The following ASAP2 variants were observed in gnomAD, a reference collection of about 807,000 sequenced individuals.
The protein encoded by ASAP2 is ArfGAP with SH3 domain, ankyrin repeat and PH domain 2.
In ASAP2, 45 loss-of-function variants were observed where a neutral mutation model predicts 131.4. That is an observed-to-expected ratio of 0.34 (90% CI 0.27 to 0.44). ASAP2 has a LOEUF of 0.44. Among genes scored for constraint, ASAP2 ranks in the 20% least tolerant of loss-of-function variants. The probability of loss-of-function intolerance (pLI) is 1.00; values close to 1 mark genes in which losing one functional copy is unlikely to be tolerated. For synonymous variants in ASAP2, 510 were observed against 503.0 expected, an observed-to-expected ratio of 1.01 and a Z score of -0.19; for missense variants, 1,011 against 1,297.0, an observed-to-expected ratio of 0.78 and a Z score of 3.39.
At chr2:9,372,848 A>C (rs921249203) in intron 16 of ASAP2, among the ~76,000 whole-genome samples, 2 of 152,168 alleles carry the variant, frequency 1.3e-5, no homozygotes, top group African/African-American at 4.8e-5. Context: ...GAGACACAGC[A>C]GTTAGCCGAA....
Position 9,291,663 on chromosome 2 carries a change from A to C in ASAP2, c.200-5637A>C, listed in dbSNP as rs1232648502. On this transcript the variant is annotated intron_variant, in intron 2 of 27. Transcript: ENST00000281419. The stretch of plus-strand genomic sequence containing the variant: ...ACGCTCCCTTCGCCGAGCTGTCTGC[A>C]TGGAAGGTTGGAATGTGGGGTGTCA... Among the ~76,000 whole-genome samples the C allele has an allele frequency of 3.9e-5, 6 of 152,160 alleles. No homozygotes were observed. The South Asian group carries it at 1.2e-3, about 31-fold the overall frequency.
chr2:9,334,905 C>G (rs1671097267), intron 8 of ASAP2, 92 bp downstream of exon 8: 2 of 1,465,932 alleles, frequency 1.4e-6, no homozygotes, highest in African/African-American at 2.8e-5. Flanking sequence ...CCTGTGTTTT[C>G]ATGCCGTGCC....
intron 2 of ASAP2, among the ~76,000 whole-genome samples, chr2:9,285,091 G>C (rs1465694630): frequency 6.6e-6 from 1 of 152,194 alleles, no homozygotes; most frequent in African/African-American, 2.4e-5. Flanking sequence ...ATGAGGGCAT[G>C]AGAGTGGGGC....
intron 2 of ASAP2, among the ~76,000 whole-genome samples, chr2:9,285,029 C>T (rs1667378352): frequency 6.6e-6 from 1 of 152,136 alleles, no homozygotes; most frequent in African/African-American, 2.4e-5. Context: ...CTCAGCAACC[C>T]ACAGTGTGAT....
chr2:9,248,475 C>T (rs956336753), intron 1 of ASAP2, among the ~76,000 whole-genome samples: 9 of 151,714 alleles, frequency 5.9e-5, no homozygotes, highest in Non-Finnish European at 1.2e-4. Flanking sequence ...GCTTTGGAGT[C>T]GCAGTCCAGG....
At chr2:9,361,059 C>T (rs1470820552) in intron 15 of ASAP2, among the ~76,000 whole-genome samples, 1 of 152,152 alleles carries the variant, frequency 6.6e-6, no homozygotes, top group African/African-American at 2.4e-5. Flanking sequence ...ACTTCTAATG[C>T]CTGGTTAAAT....
intron 1 of ASAP2, among the ~76,000 whole-genome samples, chr2:9,257,747 C>T (rs1390920116): frequency 6.6e-6 from 1 of 152,100 alleles, no homozygotes; most frequent in Non-Finnish European, 1.5e-5. Flanking sequence ...TCTTGATCTC[C>T]TTGTGACCTC....
intron 15 of ASAP2, 45 bp downstream of exon 15, chr2:9,358,934 T>G (rs1232987676): frequency 6.4e-7 from 1 of 1,566,970 alleles, no homozygotes; most frequent in Non-Finnish European, 8.7e-7. Flanking sequence ...AAATGAGCTG[T>G]AAGCTAAATT....
chr2:9,401,489 CAGCCTGAGCAGTCCAGA>C (rs1351435399), intron 27 of ASAP2, 93 bp downstream of exon 27: 1 of 1,489,896 alleles, frequency 6.7e-7, no homozygotes, highest in East Asian at 2.4e-5. Flanking sequence ...GAGGTTTTCT[CAGCCTGAGCAGTCCAGA>C]TGTAGTTCCT....
Position 9,217,775 on chromosome 2 carries a change from C to T in ASAP2, c.126+10545C>T, listed in dbSNP as rs899875276. 1.1e-4 allele frequency among the ~76,000 whole-genome samples: 16 copies of T among 151,748 alleles called. No individual in the cohort carries two copies. The highest frequency in any genetic ancestry group is 1.9e-4 in the East Asian group (1 of 5,170). On this transcript the variant is annotated intron_variant, in intron 1 of 27. Coordinates refer to ENST00000281419, the MANE Select transcript of ASAP2 (RefSeq NM_003887.3). The surrounding 1 kb of genome is among the most constrained non-coding windows in gnomAD (Gnocchi z 4.0). ...GACTACAGGCGCCTGCCACCACGCCCGGCTAATTTTTGGTATTTTTAGTAG... is the reference window on the plus strand; with the variant it reads ...GACTACAGGCGCCTGCCACCACGCCTGGCTAATTTTTGGTATTTTTAGTAG...
At chr2:9,248,209 G>A (rs568916559) in intron 1 of ASAP2, among the ~76,000 whole-genome samples, 4 of 152,326 alleles carry the variant, frequency 2.6e-5, no homozygotes, top group East Asian at 1.9e-4. Flanking sequence ...CGCTAACCAC[G>A]GAGGCCACGC....
At chr2:9,314,015 G>T (rs551738660) in intron 3 of ASAP2, among the ~76,000 whole-genome samples, 2 of 152,158 alleles carry the variant, frequency 1.3e-5, no homozygotes, top group East Asian at 3.9e-4. Context: ...CAAAAGTCTC[G>T]CTCTGTTACC....
chr2:9,286,448 A>ATG (rs1491366199), intron 2 of ASAP2, among the ~76,000 whole-genome samples: 209 of 120,254 alleles, frequency 1.7e-3, no homozygotes, highest in Non-Finnish European at 2.7e-3. Flanking sequence ...AAAAAAAAAA[A>ATG]TATATATATA....
chr2:9,230,145 A>G (rs964017040), intron 1 of ASAP2, among the ~76,000 whole-genome samples: 39 of 152,198 alleles, frequency 2.6e-4, no homozygotes, highest in Non-Finnish European at 1.6e-4. Flanking sequence ...ATTTCTAGGC[A>G]CTCACAGTTT....
intron 1 of ASAP2, among the ~76,000 whole-genome samples, chr2:9,257,127 C>T (rs1359901514): frequency 6.6e-6 from 1 of 152,208 alleles, no homozygotes; most frequent in Non-Finnish European, 1.5e-5. Context: ...TCATTCATTC[C>T]ATGTTCGTGG....
chr2:9,394,471 G>T (rs529194018), intron 24 of ASAP2, among the ~76,000 whole-genome samples: 1 of 152,114 alleles, frequency 6.6e-6, no homozygotes, highest in South Asian at 2.1e-4. Context: ...GCCCCAGTTC[G>T]TGGCTCTTAA....
chr2:9,401,284 A>G lies in ASAP2; in HGVS notation c.2834A>G (p.Lys945Arg), dbSNP rs1676644259. 6.2e-7 allele frequency: 1 copy of G among 1,613,316 alleles called. No homozygotes were observed. Among genetic ancestry groups the G allele is most frequent in the African/African-American group, 1.3e-5 (1 of 74,858 alleles). The change falls in exon 27 of 28, where the codon AAG becomes AGG. Residue 945 changes from lysine (K) to arginine (R), a missense_variant. Lys to Arg is a conservative substitution (Grantham distance 26). This residue lies in a region of ASAP2 where 652 missense variants were observed against 698.9 expected (regional missense o/e 0.93). Transcript: ENST00000281419. The stretch of plus-strand genomic sequence containing the variant: ...CCTCTCCTGACCCAGACCAAGTTGA[A>G]GCCTAAGCGGGTGAAAGCGCTCTAT... ...MPRKSQATKLKPKRVKALYNC... is the reference protein window; with the variant it reads ...MPRKSQATKLRPKRVKALYNC...
At chr2:9,344,428 T>C in intron 9 of ASAP2, 104 bp from the exon 10 acceptor site, 2 of 834,454 alleles carry the variant, frequency 2.4e-6, no homozygotes, top group Non-Finnish European at 3.5e-6. Context: ...ATTTTTGTTG[T>C]TGTTAAAAAA....
chr2:9,210,588 T>G (rs1305799964), intron 1 of ASAP2, among the ~76,000 whole-genome samples: 1 of 151,628 alleles, frequency 6.6e-6, no homozygotes, highest in Non-Finnish European at 1.5e-5. Context: ...GGAGTCTCGC[T>G]CTGTCGCCCA....
Sources: gnomAD v4.1 joint callset for allele counts (sites outside exome capture counted in the v4.1 genomes callset) on GRCh38, gnomAD v4.1.1 for gene constraint, gnomAD v4.1.1 regional missense constraint, Gnocchi (gnomAD v3.1) non-coding constraint, MANE v1.5 for transcripts, NCBI Gene and HGNC (gene_info 2026-07-23, HGNC 2026-07-21) for gene names.